TAFA2: variants seen among roughly 807,000 people sequenced by gnomAD.
TAFA2 encodes the protein TAFA chemokine like family member 2.
A neutral mutation model predicts 18.8 loss-of-function variants in TAFA2; 7 were observed. That is an observed-to-expected ratio of 0.37 (90% CI 0.21 to 0.70). The LOEUF (loss-of-function observed/expected upper bound fraction) is 0.70, where lower values mean the gene tolerates loss of function less well. Among genes scored for constraint, TAFA2 ranks in the 30% least tolerant of loss-of-function variants. TAFA2 has a pLI of 0.53. For synonymous variants in TAFA2, 60 were observed against 54.2 expected (o/e 1.11, Z -0.47); for missense variants, 122 against 158.1 (o/e 0.77, Z 1.23).
intron 1 of TAFA2, among the ~76,000 whole-genome samples, chr12:61,923,195 T>C (rs1462918483): frequency 2.0e-5 from 3 of 152,202 alleles, no homozygotes; most frequent in African/African-American, 7.2e-5. Context: ...GCCTGTCGGC[T>C]CTAAAGAGAG....
chr12:62,096,746 C>T (rs749144682), intron 1 of TAFA2, among the ~76,000 whole-genome samples: 13 of 152,084 alleles, frequency 8.5e-5, no homozygotes, highest in Non-Finnish European at 1.5e-4. Flanking sequence ...GAAACATAGG[C>T]ACAAATGGCT....
chr12:61,873,516 T>C (rs535852121), intron 1 of TAFA2, among the ~76,000 whole-genome samples: 3 of 152,230 alleles, frequency 2.0e-5, no homozygotes, highest in African/African-American at 7.2e-5. Flanking sequence ...GCGTAGATTA[T>C]GAAAGTTAAT....
At chr12:61,899,147 A>T (rs1875987003) in intron 1 of TAFA2, among the ~76,000 whole-genome samples, 1 of 152,174 alleles carries the variant, frequency 6.6e-6, no homozygotes, top group South Asian at 2.1e-4. Context: ...GGTCAAAACC[A>T]TTCAGCAGGT....
At chr12:62,013,801 A>C (rs190761338) in intron 1 of TAFA2, among the ~76,000 whole-genome samples, 48 of 152,356 alleles carry the variant, frequency 3.2e-4, no homozygotes, top group Non-Finnish European at 4.9e-4. Context: ...AACTAGTTGT[A>C]AGTTAGTCGA....
intron 4 of TAFA2, among the ~76,000 whole-genome samples, chr12:61,722,003 G>A (rs896419821): frequency 2.0e-5 from 3 of 151,916 alleles, no homozygotes; most frequent in Non-Finnish European, 4.4e-5. Context: ...AAGTACTCCA[G>A]CGATATCAAA....
chr12:62,028,162 A>G (rs1043416917), intron 1 of TAFA2, among the ~76,000 whole-genome samples: 2 of 152,152 alleles, frequency 1.3e-5, no homozygotes, highest in Non-Finnish European at 2.9e-5. Context: ...CTAATAGCCT[A>G]GTACTATAAC....
intron 1 of TAFA2, among the ~76,000 whole-genome samples, chr12:61,949,885 A>G (rs926600820): frequency 1.3e-5 from 2 of 152,180 alleles, no homozygotes; most frequent in African/African-American, 2.4e-5. Context: ...TCATCTTGCA[A>G]AATCGAAACT....
intron 4 of TAFA2, among the ~76,000 whole-genome samples, chr12:61,714,195 T>C (rs1869542387): frequency 6.6e-6 from 1 of 152,142 alleles, no homozygotes; most frequent in South Asian, 2.1e-4. Flanking sequence ...GGCCCTATGA[T>C]TGTTATGGTT....
At chr12:62,121,719 T>C (rs939400297) in intron 1 of TAFA2, among the ~76,000 whole-genome samples, 1 of 152,192 alleles carries the variant, frequency 6.6e-6, no homozygotes, top group African/African-American at 2.4e-5. Flanking sequence ...CACTGACCCA[T>C]TCATTTGAGG....
At chr12:61,833,941 T>G (rs558012821) in intron 2 of TAFA2, among the ~76,000 whole-genome samples, 1 of 152,024 alleles carries the variant, frequency 6.6e-6, no homozygotes, top group Admixed American at 6.6e-5. Flanking sequence ...GTATAGAGCC[T>G]GGAGATGCTC....
intron 4 of TAFA2, among the ~76,000 whole-genome samples, chr12:61,737,395 G>A (rs1229685888): frequency 1.3e-5 from 2 of 151,806 alleles, no homozygotes; most frequent in East Asian, 3.9e-4. Context: ...AAAATGGAAT[G>A]TGTCCTACAC....
intron 1 of TAFA2, among the ~76,000 whole-genome samples, chr12:62,256,735 T>G (rs1565789759): frequency 1.3e-5 from 2 of 152,316 alleles, no homozygotes; most frequent in Middle Eastern, 6.8e-3. Flanking sequence ...CTCCGTAATT[T>G]TTTTTAGCTT....
intron 1 of TAFA2, among the ~76,000 whole-genome samples, chr12:62,002,705 A>G (rs1017113108): frequency 2.6e-5 from 4 of 151,654 alleles, no homozygotes; most frequent in Non-Finnish European, 4.4e-5. Context: ...TCCTTCCAAC[A>G]CTCTGGCCCC....
intron 1 of TAFA2, among the ~76,000 whole-genome samples, chr12:62,148,926 A>T (rs933428768): frequency 6.6e-6 from 1 of 152,184 alleles, no homozygotes; most frequent in African/African-American, 2.4e-5. Flanking sequence ...TTTTTGAGAC[A>T]TTCCAATCTA....
chr12:61,898,662 C>T (rs996108657), intron 1 of TAFA2, among the ~76,000 whole-genome samples: 2 of 152,106 alleles, frequency 1.3e-5, no homozygotes, highest in African/African-American at 4.8e-5. Flanking sequence ...GGACCCTGGG[C>T]CCTGCCCATG....
chr12:62,235,587 A>G, intron 1 of TAFA2: 1 of 309,166 alleles, frequency 3.2e-6, no homozygotes. Context: ...GCAGGTGGTT[A>G]TCGGGACATT....
chr12:62,256,881 C>G (rs1450543412), intron 1 of TAFA2, among the ~76,000 whole-genome samples: 5 of 151,992 alleles, frequency 3.3e-5, no homozygotes, highest in Non-Finnish European at 5.9e-5. Flanking sequence ...CTTTTAGCTG[C>G]TCTGAGAGCT....
chr12:62,237,643 C>A (rs1171534323), intron 1 of TAFA2, among the ~76,000 whole-genome samples: 1 of 152,206 alleles, frequency 6.6e-6, no homozygotes, highest in South Asian at 2.1e-4. Flanking sequence ...TTATTCTAGT[C>A]TTTGCTATCT....
At chr12:61,728,329 G>A (rs1282205486) in intron 4 of TAFA2, among the ~76,000 whole-genome samples, 1 of 151,910 alleles carries the variant, frequency 6.6e-6, no homozygotes, top group Non-Finnish European at 1.5e-5. Context: ...GAGTATTGAA[G>A]TCTTCCACTA....
Sources: allele counts gnomAD v4.1 joint callset (sites outside exome capture counted in the v4.1 genomes callset), GRCh38; gene constraint gnomAD v4.1.1; transcripts MANE v1.5; gene names NCBI Gene and HGNC (gene_info 2026-07-23, HGNC 2026-07-21).